TEX11: variants seen among roughly 807,000 people sequenced by gnomAD.
TEX11 encodes testis expressed 11.
A neutral mutation model predicts 84.4 loss-of-function variants in TEX11; 7 were observed. That is an observed-to-expected ratio of 0.08 (90% CI 0.05 to 0.16). TEX11 has a LOEUF of 0.16. Ranked by LOEUF, TEX11 falls within the 10% of genes least tolerant of loss-of-function variation. The pLI is 1.00. For missense variants in TEX11, 551 were observed against 660.5 expected, an observed-to-expected ratio of 0.83 and a Z score of 1.82; for synonymous variants, 264 against 222.8, an observed-to-expected ratio of 1.18 and a Z score of -1.64.
intron 8 of TEX11, among the ~76,000 whole-genome samples, chrX:70,818,081 G>C (rs999841822): frequency 1.8e-5 from 2 of 111,218 alleles, no homozygotes; most frequent in Non-Finnish European, 3.8e-5. Context: ...TTAAACCCAG[G>C]AGATCAAGTC....
In TEX11 at chrX:70,598,337, C is replaced by T. The variant is rs143470609; in HGVS notation, c.2068-6514G>A. On this transcript the variant is annotated intron_variant, in intron 24 of 29. Transcript: ENST00000374333. ...AGGTATCAATTTATATTCACTAGGA[C>T]GGCTATAATTAAAAAGATATAATAA... Among the ~76,000 whole-genome samples the T allele has an allele frequency of 1.1e-3, 118 of 111,489 alleles. 1 individual carries two copies. The East Asian group carries it at 0.023, about 22-fold the overall frequency.
chrX:70,556,338 A>G (rs1006797303), intron 25 of TEX11, among the ~76,000 whole-genome samples: 1 of 111,107 alleles, frequency 9.0e-6, no homozygotes, highest in Non-Finnish European at 1.9e-5. Context: ...CAATTAAAAA[A>G]AATTCCTAAT....
At chrX:70,711,305 G>A (rs1201054580) in intron 13 of TEX11, among the ~76,000 whole-genome samples, 1 of 111,259 alleles carries the variant, frequency 9.0e-6, no homozygotes, top group Non-Finnish European at 1.9e-5. Flanking sequence ...TATATACCCA[G>A]TAATGGGATG....
intron 24 of TEX11, among the ~76,000 whole-genome samples, chrX:70,595,911 T>A (rs1353670157): frequency 9.1e-6 from 1 of 110,186 alleles, no homozygotes; most frequent in African/African-American, 3.3e-5. Context: ...CAGAGACAAA[T>A]AAATAGGTTG....
At chrX:70,836,109 C>CCAAA in intron 7 of TEX11, among the ~76,000 whole-genome samples, 1 of 74,039 alleles carries the variant, frequency 1.4e-5, no homozygotes. Context: ...GACTCTGTCT[C>CCAAA]AAAAAAAAAA....
chrX:70,871,073 C>T (rs749621325), intron 4 of TEX11, among the ~76,000 whole-genome samples: 3 of 111,929 alleles, frequency 2.7e-5, no homozygotes, highest in Admixed American at 9.5e-5. Context: ...CCACCATGCC[C>T]GACTAATTTT....
At chrX:70,602,569 T>C (rs1304015886) in intron 24 of TEX11, among the ~76,000 whole-genome samples, 2 of 106,990 alleles carry the variant, frequency 1.9e-5, no homozygotes, top group Non-Finnish European at 3.9e-5. Flanking sequence ...ATAAGAGCTA[T>C]CTATGACAAA....
intron 16 of TEX11, among the ~76,000 whole-genome samples, chrX:70,660,865 G>A (rs1480944801): frequency 8.9e-6 from 1 of 112,031 alleles, no homozygotes; most frequent in Non-Finnish European, 1.9e-5. Context: ...GTGAAATCCC[G>A]TCTCTATTAA....
At chrX:70,794,691 A>G (rs2091145805) in intron 9 of TEX11, among the ~76,000 whole-genome samples, 5 of 110,007 alleles carry the variant, frequency 4.5e-5, no homozygotes, top group Non-Finnish European at 9.5e-5. Flanking sequence ...AGCCCTAGCT[A>G]CTGGATAACA....
chrX:70,608,177 C>A (rs752833170), intron 22 of TEX11, among the ~76,000 whole-genome samples: 1 of 112,170 alleles, frequency 8.9e-6, no homozygotes, highest in East Asian at 2.8e-4. Flanking sequence ...CATATCCATG[C>A]GTCTGGCACC....
At chrX:70,819,945 C>T (rs1160649959) in intron 8 of TEX11, among the ~76,000 whole-genome samples, 4 of 111,083 alleles carry the variant, frequency 3.6e-5, no homozygotes, top group Admixed American at 9.6e-5. Flanking sequence ...GAAATACATC[C>T]CACATTCACA....
intron 4 of TEX11, among the ~76,000 whole-genome samples, chrX:70,863,567 A>G (rs1403581404): frequency 8.9e-6 from 1 of 111,838 alleles, no homozygotes. Context: ...AACCCCATCC[A>G]AAGATCATCA....
chrX:70,536,855 AT>A (rs2087965328), intron 28 of TEX11, among the ~76,000 whole-genome samples: 1 of 112,146 alleles, frequency 8.9e-6, no homozygotes, highest in Non-Finnish European at 1.9e-5. Context: ...TGAGATTTTA[AT>A]TTTGACTGAA....
chrX:70,844,503 C>G (rs1280886195), intron 7 of TEX11, among the ~76,000 whole-genome samples: 1 of 105,252 alleles, frequency 9.5e-6, no homozygotes, highest in Admixed American at 1.0e-4. Flanking sequence ...GGGGATATAC[C>G]TAATGCTAAA....
At chrX:70,822,254 GT>G (rs1237893462) in intron 8 of TEX11, among the ~76,000 whole-genome samples, 1 of 111,110 alleles carries the variant, frequency 9.0e-6, no homozygotes, top group Non-Finnish European at 1.9e-5. Context: ...TCAATCCCCA[GT>G]TGGTTAAATA....
At chrX:70,850,268 T>C (rs757597803) in intron 7 of TEX11, among the ~76,000 whole-genome samples, 1 of 112,046 alleles carries the variant, frequency 8.9e-6, no homozygotes, top group African/African-American at 3.2e-5. Context: ...TTCATATATT[T>C]TGTACACCAA....
chrX:70,817,685 G>C (rs1458114298), intron 8 of TEX11, among the ~76,000 whole-genome samples: 1 of 108,905 alleles, frequency 9.2e-6, no homozygotes, highest in Non-Finnish European at 1.9e-5. Flanking sequence ...GTGACAGAGA[G>C]AGTGAGATCA....
chrX:70,897,738 A>AG (rs2091781308), intron 2 of TEX11, among the ~76,000 whole-genome samples: 2 of 106,973 alleles, frequency 1.9e-5, no homozygotes, highest in African/African-American at 3.4e-5. Flanking sequence ...AAAGAAAGAA[A>AG]AGAGACAAGA....
intron 13 of TEX11, among the ~76,000 whole-genome samples, chrX:70,715,893 T>C (rs113817263): frequency 0.097 from 10,599 of 109,350 alleles, 395 homozygotes; most frequent in Middle Eastern, 0.17. Context: ...CCAGTTTTTC[T>C]GCTCTGTTTT....
Sources: gnomAD v4.1 joint callset for allele counts (sites outside exome capture counted in the v4.1 genomes callset) on GRCh38, gnomAD v4.1.1 for gene constraint, MANE v1.5 for transcripts, NCBI Gene and HGNC (gene_info 2026-07-23, HGNC 2026-07-21) for gene names.